Variants in SVOP observed in about 807,000 individuals in gnomAD.
SVOP encodes the protein synaptic vesicle 2-related protein.
SVOP carries 17 observed loss-of-function variants against 69.1 expected under a neutral mutation model. The observed-to-expected ratio is 0.25, with a 90% CI of 0.17 to 0.37. SVOP has a LOEUF of 0.37. SVOP is among the 10% of genes least tolerant of loss of function. The pLI, the probability that SVOP is intolerant of heterozygous loss-of-function variation, is 1.00. For missense variants in SVOP, 435 were observed against 597.5 expected, an observed-to-expected ratio of 0.73 and a Z score of 2.84; for synonymous variants, 238 against 238.6, an observed-to-expected ratio of 1.00 and a Z score of 0.02.
At chr12:108,935,970 G>A (rs2039853780) in intron 10 of SVOP, among the ~76,000 whole-genome samples, 1 of 151,710 alleles carries the variant, frequency 6.6e-6, no homozygotes. Flanking sequence ...TGCCACCCCT[G>A]TGGTACCCAA....
chr12:108,968,639 AC>A (rs1248118691), intron 5 of SVOP, among the ~76,000 whole-genome samples: 1 of 151,898 alleles, frequency 6.6e-6, no homozygotes, highest in African/African-American at 2.4e-5. Context: ...TATATTCCTC[AC>A]TGCCTTATGA....
Position 109,020,754 on chromosome 12 carries a change from A to C in SVOP, c.35+80T>G, listed in dbSNP as rs868541528. 5.6e-3 allele frequency: 1,346 copies of C among 239,096 alleles called. 1 individual carries two copies. The highest frequency in any genetic ancestry group is 8.4e-3 in the South Asian group (243 of 28,992). 14.8% of individuals were successfully genotyped at this position (239,096 alleles called of 1,614,324 possible). A position where few individuals can be genotyped will look rare whatever the true frequency, so the allele number is the denominator to read the frequency against. On this transcript the variant is annotated intron_variant, in intron 1 of 15. Coordinates refer to ENST00000610966, the MANE Select transcript of SVOP (RefSeq NM_018711.5). ...AATTCAAGAAACCATGCAGAGATGT[A>C]CCCCCCCCCACCCCCCTTGCAGGTT...
chr12:108,954,846 A>T (rs1373927720), intron 6 of SVOP, among the ~76,000 whole-genome samples: 1 of 152,158 alleles, frequency 6.6e-6, no homozygotes, highest in Non-Finnish European at 1.5e-5. Flanking sequence ...CCCAGGCAAT[A>T]CAGTTAGACC....
At chr12:109,001,727 A>C (rs1164208786) in intron 1 of SVOP, among the ~76,000 whole-genome samples, 5 of 148,528 alleles carry the variant, frequency 3.4e-5, no homozygotes, top group Non-Finnish European at 7.5e-5. Context: ...CCTATTTAAT[A>C]AATGGTGCTG....
At chr12:108,919,390 C>A (rs1310828095) in intron 13 of SVOP, among the ~76,000 whole-genome samples, 3 of 151,738 alleles carry the variant, frequency 2.0e-5, no homozygotes, top group Admixed American at 6.6e-5. Context: ...TGGGCCTATA[C>A]CCACACCTGG....
intron 11 of SVOP, among the ~76,000 whole-genome samples, chr12:108,932,533 C>G (rs1354381183): frequency 2.0e-5 from 3 of 152,156 alleles, no homozygotes; most frequent in African/African-American, 7.2e-5. Context: ...GGCGAGCAAA[C>G]TGAAATCAGT....
intron 5 of SVOP, among the ~76,000 whole-genome samples, chr12:108,968,387 A>T (rs2137427806): frequency 6.6e-6 from 1 of 152,166 alleles, no homozygotes; most frequent in South Asian, 2.1e-4. Context: ...GAGCCTTCTG[A>T]CTCCTCAAAT....
chr12:109,014,945 C>T (rs553600081), intron 1 of SVOP, among the ~76,000 whole-genome samples: 7 of 152,256 alleles, frequency 4.6e-5, no homozygotes, highest in East Asian at 1.9e-4. Context: ...GCTGGTCTCA[C>T]AGCTCTTGGC....
At chr12:109,000,972 C>A (rs2040264850) in intron 1 of SVOP, among the ~76,000 whole-genome samples, 1 of 151,344 alleles carries the variant, frequency 6.6e-6, no homozygotes, top group African/African-American at 2.4e-5. Context: ...GGCAATTAGG[C>A]TGGAGAAGGA....
At chr12:109,010,799 G>A (rs867643187) in intron 1 of SVOP, among the ~76,000 whole-genome samples, 1 of 151,976 alleles carries the variant, frequency 6.6e-6, no homozygotes, top group Middle Eastern at 3.4e-3. Flanking sequence ...ATTGCACCTG[G>A]CCCAAACTGT....
intron 1 of SVOP, among the ~76,000 whole-genome samples, chr12:108,989,436 A>AAGCAGGAGG (rs375203186): frequency 0.89 from 135,053 of 151,940 alleles, 61,149 homozygotes; most frequent in Non-Finnish European, 0.99. Context: ...AACCCACTGG[A>AAGCAGGAGG]AAGCAGGAGG....
chr12:108,933,391 T>TAAA (rs1284949683), intron 11 of SVOP, among the ~76,000 whole-genome samples: 2 of 149,714 alleles, frequency 1.3e-5, no homozygotes, highest in African/African-American at 4.9e-5. Flanking sequence ...ATAATAATAA[T>TAAA]AATAGGCCAG....
Position 108,937,185 on chromosome 12 carries a change from G to A in SVOP, c.971+79C>T. The A allele has an allele frequency of 6.4e-6, 9 of 1,408,336 alleles. No homozygotes were observed. In the South Asian group the frequency reaches 1.0e-4, roughly 16 times the overall value. The allele number at this position is 1,408,336 out of a possible 1,614,324, so 87.2% of individuals were successfully genotyped here. The stretch of plus-strand genomic sequence containing the variant: ...GCTGCCTGAAATCAAAGTGCTATCT[G>A]TCCATTGCATTAAAACAAAACCCAA... On this transcript the variant is annotated intron_variant, in intron 10 of 15. Coordinates refer to ENST00000610966, the MANE Select transcript of SVOP (RefSeq NM_018711.5).
intron 6 of SVOP, among the ~76,000 whole-genome samples, chr12:108,952,229 TC>T (rs1451390173): frequency 1.7e-5 from 2 of 116,808 alleles, no homozygotes; most frequent in Middle Eastern, 4.5e-3. Flanking sequence ...TTTTCTTTTC[TC>T]TTTTTTTTTT....
intron 6 of SVOP, among the ~76,000 whole-genome samples, chr12:108,953,832 C>T (rs759680538): frequency 2.0e-5 from 3 of 152,058 alleles, no homozygotes; most frequent in Non-Finnish European, 4.4e-5. Context: ...GATATTTAGG[C>T]TGGGCGTGGT....
intron 5 of SVOP, among the ~76,000 whole-genome samples, chr12:108,967,784 T>A (rs1047795504): frequency 6.6e-6 from 1 of 152,082 alleles, no homozygotes; most frequent in Non-Finnish European, 1.5e-5. Context: ...CGTGTGACAA[T>A]CAAAAATGTC....
Position 109,011,258 on chromosome 12 carries a change from T to C in SVOP, c.35+9576A>G, listed in dbSNP as rs550340834. On this transcript the variant is annotated intron_variant, in intron 1 of 15. Coordinates refer to ENST00000610966, the MANE Select transcript of SVOP (RefSeq NM_018711.5). ...AATCAGACTATTCCCCTTAAGTCAT[T>C]GAAACACACATTTCTTAAGTGAAGC... 2.0e-5 allele frequency among the ~76,000 whole-genome samples: 3 copies of C among 151,480 alleles called. No homozygotes were observed. In the East Asian group the frequency reaches 5.9e-4, roughly 30 times the overall value.
At chr12:108,940,720 C>A in intron 8 of SVOP, 64 bp downstream of exon 8, 1 of 1,514,998 alleles carries the variant, frequency 6.6e-7, no homozygotes, top group Non-Finnish European at 8.9e-7. Flanking sequence ...CCCCTCCCCA[C>A]CAAAATAGAG....
chr12:108,985,090 G>C (rs1003756559), intron 1 of SVOP, among the ~76,000 whole-genome samples: 161 of 152,074 alleles, frequency 1.1e-3, no homozygotes, highest in Admixed American at 2.2e-3. Context: ...AGTTGGACAT[G>C]GTGGTGTGTG....
Sources: allele counts gnomAD v4.1 joint callset (sites outside exome capture counted in the v4.1 genomes callset), GRCh38; gene constraint gnomAD v4.1.1; transcripts MANE v1.5; gene names NCBI Gene and HGNC (gene_info 2026-07-23, HGNC 2026-07-21).